The following DLC1 variants were observed in gnomAD, a reference collection of about 807,000 sequenced individuals.
DLC1 encodes DLC1 Rho GTPase activating protein.
DLC1 carries 54 observed loss-of-function variants against 140.3 expected under a neutral mutation model. That is an observed-to-expected ratio of 0.38 (90% confidence interval 0.31 to 0.48). The LOEUF is 0.48. DLC1 is among the 20% of genes least tolerant of loss of function. The pLI, the probability that DLC1 is intolerant of heterozygous loss-of-function variation, is 0.96. For synonymous variants in DLC1, 986 were observed against 728.1 expected (o/e 1.35, Z -5.70); for missense variants, 2,536 against 1,907.0 (o/e 1.33, Z -6.14).
intron 5 of DLC1, among the ~76,000 whole-genome samples, chr8:13,153,962 C>G (rs1199975266): frequency 1.3e-5 from 2 of 152,110 alleles, no homozygotes; most frequent in East Asian, 3.9e-4. Flanking sequence ...AAACCTTGAG[C>G]TAGACACAGG....
At position 13,579,466 on chromosome 8, in the gene DLC1, T is replaced by G. The variant is rs1804995025; in HGVS notation, c.-126+25071A>C. 3.1e-5 allele frequency among the ~76,000 whole-genome samples: 2 copies of G among 64,286 alleles called. 1 individual carries two copies. The highest frequency in any genetic ancestry group is 5.9e-5 in the Non-Finnish European group (2 of 33,782). 42.2% of individuals were successfully genotyped at this position (64,286 alleles called of 152,430 possible). On this transcript the variant is annotated intron_variant, in intron 1 of 1. Coordinates refer to the DLC1 transcript ENST00000631382. Reference sequence around the variant, plus strand: ...TATTTTATATTATATATTTAATACATTATATTTTATATTATATATTTAATA... The same window carrying G: ...TATTTTATATTATATATTTAATACAGTATATTTTATATTATATATTTAATA...
At chr8:13,462,826 G>T (rs566331708) in intron 2 of DLC1, among the ~76,000 whole-genome samples, 1 of 152,134 alleles carries the variant, frequency 6.6e-6, no homozygotes, top group African/African-American at 2.4e-5. Flanking sequence ...TAACTACAAG[G>T]TAGTGAAGAG....
intron 5 of DLC1, among the ~76,000 whole-genome samples, chr8:13,124,808 C>T (rs1227778618): frequency 2.0e-5 from 3 of 152,178 alleles, no homozygotes; most frequent in African/African-American, 7.2e-5. Context: ...GAAAGGGTTC[C>T]ATGCCCGCTG....
intron 4 of DLC1, among the ~76,000 whole-genome samples, chr8:13,354,307 T>C (rs1219784954): frequency 6.6e-6 from 1 of 152,176 alleles, no homozygotes; most frequent in African/African-American, 2.4e-5. Context: ...ATATACTTTA[T>C]TGTCTGTGAC....
intron 5 of DLC1, among the ~76,000 whole-genome samples, chr8:13,159,899 T>G (rs1824551495): frequency 1.4e-5 from 2 of 146,810 alleles, no homozygotes; most frequent in African/African-American, 2.5e-5. Context: ...GAGGCTCAAG[T>G]CTGTAATCCC....
At chr8:13,480,594 A>G (rs1361475237) in intron 2 of DLC1, among the ~76,000 whole-genome samples, 2 of 152,204 alleles carry the variant, frequency 1.3e-5, no homozygotes, top group African/African-American at 2.4e-5. Flanking sequence ...TAGAATACAT[A>G]TGCTAAAATC....
intron 5 of DLC1, among the ~76,000 whole-genome samples, chr8:13,236,577 A>G (rs2117221228): frequency 6.6e-6 from 1 of 152,242 alleles, no homozygotes; most frequent in East Asian, 1.9e-4. Context: ...ATTGTATTGA[A>G]CCACAGATTT....
intron 5 of DLC1, among the ~76,000 whole-genome samples, chr8:13,165,518 C>T (rs994235616): frequency 7.9e-5 from 12 of 152,330 alleles, no homozygotes; most frequent in East Asian, 7.7e-4. Context: ...CGTACTTTCA[C>T]GCTCTGTTCC....
intron 2 of DLC1, among the ~76,000 whole-genome samples, chr8:13,464,182 T>C (rs531554207): frequency 2.0e-5 from 3 of 152,306 alleles, no homozygotes; most frequent in Admixed American, 6.5e-5. Flanking sequence ...GATGGATCTT[T>C]GTCTTCTTAA....
intron 5 of DLC1, among the ~76,000 whole-genome samples, chr8:13,278,113 A>G (rs1371175015): frequency 1.3e-5 from 2 of 152,242 alleles, no homozygotes; most frequent in African/African-American, 4.8e-5. Context: ...TTGAGCATGT[A>G]CTTCATGGTA....
intron 5 of DLC1, among the ~76,000 whole-genome samples, chr8:13,241,373 A>C (rs1829537517): frequency 6.6e-6 from 1 of 152,134 alleles, no homozygotes; most frequent in African/African-American, 2.4e-5. Context: ...ACATGTATAG[A>C]AGTTTTCCCA....
chr8:13,505,208 T>C (rs2117224805), intron 1 of DLC1, among the ~76,000 whole-genome samples: 2 of 152,212 alleles, frequency 1.3e-5, no homozygotes, highest in South Asian at 2.1e-4. Context: ...ATAGTAAACA[T>C]TAAATTAACC....
At position 13,099,408 on chromosome 8, in the gene DLC1, G is replaced by A. The variant is rs1288670738; in HGVS notation, c.2929C>T (p.Pro977Ser). Residue 977 changes from proline to serine, a missense_variant, in exon 9 of 18, where the codon CCC becomes TCC. Physicochemically the swap from Pro to Ser is moderately conservative, Grantham distance 74. Coordinates refer to ENST00000276297, the MANE Select transcript of DLC1 (RefSeq NM_182643.3). ...TGNSLNEPEE[P>S]SEIPERRDSG... ...TCCCTTCTTTCCGGGATCTCGGAGG[G>A]CTCTTCCGGTTCATTCAGGGAGTTG... 1 of 1,614,080 alleles carries A rather than the reference G, an allele frequency of 6.2e-7. No homozygotes were observed. The highest frequency in any genetic ancestry group is 8.5e-7 in the Non-Finnish European group (1 of 1,180,014).
intron 5 of DLC1, among the ~76,000 whole-genome samples, chr8:13,223,728 G>C (rs1387028529): frequency 6.6e-6 from 1 of 152,086 alleles, no homozygotes; most frequent in Non-Finnish European, 1.5e-5. Flanking sequence ...TGGTCTGTTA[G>C]GAATACATAT....
chr8:13,576,958 G>C (rs765304336), intron 1 of DLC1, among the ~76,000 whole-genome samples: 20 of 151,908 alleles, frequency 1.3e-4, no homozygotes, highest in Non-Finnish European at 2.8e-4. Context: ...AGTGCTTACC[G>C]AGGAACATAT....
intron 4 of DLC1, among the ~76,000 whole-genome samples, chr8:13,313,756 A>C (rs11775067): frequency 0.076 from 11,609 of 152,152 alleles, 508 homozygotes; most frequent in South Asian, 0.1. Context: ...GAACAATTTT[A>C]AATTATTTTC....
At chr8:13,432,197 T>A (rs117671390) in intron 2 of DLC1, among the ~76,000 whole-genome samples, 1 of 152,170 alleles carries the variant, frequency 6.6e-6, no homozygotes, top group South Asian at 2.1e-4. Context: ...AACTCAATAA[T>A]GTATTATATT....
chr8:13,130,489 A>C (rs555983686), intron 5 of DLC1, among the ~76,000 whole-genome samples: 1 of 152,364 alleles, frequency 6.6e-6, no homozygotes, highest in South Asian at 2.1e-4. Context: ...TCTCAACTAC[A>C]GTACAGAACA....
chr8:13,207,844 A>G (rs148850414), intron 5 of DLC1, among the ~76,000 whole-genome samples: 178 of 152,270 alleles, frequency 1.2e-3, no homozygotes, highest in African/African-American at 3.3e-3. Flanking sequence ...CAAAACGTCA[A>G]TGGTGCCGGG....
Sources: gnomAD v4.1 joint callset for allele counts (sites outside exome capture counted in the v4.1 genomes callset) on GRCh38, gnomAD v4.1.1 for gene constraint, MANE v1.5 for transcripts, NCBI Gene and HGNC (gene_info 2026-07-23, HGNC 2026-07-21) for gene names.